Variants in NPHP3 observed in about 807,000 individuals in gnomAD.
The protein encoded by NPHP3 is nephrocystin-3.
Under a neutral mutation model 171.9 loss-of-function variants are expected in NPHP3, and 123 were observed. The ratio of observed to expected loss-of-function variants is 0.72; its 90% CI spans 0.62 to 0.83. NPHP3 has a LOEUF of 0.83. Ranked by LOEUF, NPHP3 falls within the 40% of genes least tolerant of loss-of-function variation. NPHP3 has a pLI of 0.00. For synonymous variants in NPHP3, 558 were observed against 579.2 expected, an observed-to-expected ratio of 0.96 and a Z score of 0.52; for missense variants, 1,506 against 1,591.9, an observed-to-expected ratio of 0.95 and a Z score of 0.92.
At chr3:132,720,262 A>T (rs1340496626) in intron 1 of NPHP3, among the ~76,000 whole-genome samples, 1 of 152,224 alleles carries the variant, frequency 6.6e-6, no homozygotes, top group Non-Finnish European at 1.5e-5. Flanking sequence ...GTACACTGCA[A>T]GTCTCCAGTA....
intron 6 of NPHP3, among the ~76,000 whole-genome samples, chr3:132,710,626 T>G (rs1339543141): frequency 1.3e-5 from 2 of 152,220 alleles, no homozygotes; most frequent in Admixed American, 6.5e-5. Flanking sequence ...TTCCTCATTT[T>G]TAAACCTTTA....
chr3:132,707,366 AGGT>A (rs1939782516), intron 7 of NPHP3, among the ~76,000 whole-genome samples: 1 of 152,086 alleles, frequency 6.6e-6, no homozygotes, highest in Non-Finnish European at 1.5e-5. Flanking sequence ...CAAGACACTG[AGGT>A]GGGAGGACTG....
chr3:132,688,810 GGAGGGA>G lies in NPHP3; in HGVS notation c.2959_2964del (p.Ser987_Leu988del). ...TGCACGTATACACTTGCTAGTTGGT[GGAGGGA>G]CTGGGCTACTCTTGGGTGATCGGGA... On this transcript the variant is annotated inframe_deletion, in exon 21 of 27. Coordinates refer to ENST00000337331, the MANE Select transcript of NPHP3 (RefSeq NM_153240.5). The G allele has an allele frequency of 6.2e-7, 1 of 1,614,020 alleles. No individual in the cohort carries two copies. Among genetic ancestry groups the G allele is most frequent in the Non-Finnish European group, 8.5e-7 (1 of 1,179,976 alleles).
Position 132,682,207 on chromosome 3 carries a change from T to G in NPHP3, c.3813-117A>C, listed in dbSNP as rs989672605. ...AATATTTGCCCATTTCCCCTCTTTT[T>G]CCAGTGTATTCACTCAAGCAGACCA... is the stretch of plus-strand genomic sequence containing the variant. On this transcript the variant is annotated intron_variant, in intron 26 of 26. Coordinates refer to ENST00000337331, the MANE Select transcript of NPHP3 (RefSeq NM_153240.5). 1.9e-5 allele frequency: 17 copies of G among 875,294 alleles called. No homozygotes were observed. In the African/African-American group the frequency reaches 2.7e-4, roughly 14 times the overall value. The allele number at this position is 875,294 out of a possible 1,614,324, so 54.2% of individuals were successfully genotyped here.
At chr3:132,683,943 T>C (rs1156566954) in intron 24 of NPHP3, among the ~76,000 whole-genome samples, 3 of 152,198 alleles carry the variant, frequency 2.0e-5, no homozygotes, top group Non-Finnish European at 2.9e-5. Context: ...AAAACAACTT[T>C]GGTGTCAGGA....
intron 23 of NPHP3, chr3:132,685,623 A>G (rs1232977309): frequency 6.6e-6 from 1 of 152,306 alleles, no homozygotes; most frequent in Non-Finnish European, 1.5e-5. Context: ...TGACAAAACT[A>G]GAAACCGTCT....
At position 132,696,769 on chromosome 3, in the gene NPHP3, A is replaced by G. The variant is rs1448386567; in HGVS notation, c.2133T>C (p.Asn711=). 1 of 1,614,018 alleles carries G rather than the reference A, an allele frequency of 6.2e-7. No homozygotes were observed. The highest frequency in any genetic ancestry group is 8.5e-7 in the Non-Finnish European group (1 of 1,180,008). Residue 711 remains asparagine (N), a synonymous_variant, in exon 15 of 27, where the codon AAT becomes AAC. Transcript: ENST00000337331. ...ERHCRSATTC[N]ALYVTLFGKM... Reference sequence around the variant, plus strand: ...TGCCGAAAAGGGTGACATAAAGGGCATTGCAGGTTGTAGCAGAACGACAGT... The same window carrying G: ...TGCCGAAAAGGGTGACATAAAGGGCGTTGCAGGTTGTAGCAGAACGACAGT...
Position 132,684,701 on chromosome 3 carries a change from C to T in NPHP3, c.3423G>A (p.Leu1141=). The change falls in exon 24 of 27, where the codon CTG becomes CTA. Residue 1141 remains leucine, a synonymous_variant. Transcript: ENST00000337331. ...GTTTCTTTTCATTGCATAGAGCTGC[C>T]AGATTATTCAAAGACTGAGCACAGT... is the stretch of plus-strand genomic sequence containing the variant. The part of the protein sequence containing the change: ...HPDCAQSLNN[L]AALCNEKKQY... The T allele has an allele frequency of 6.2e-7, 1 of 1,614,056 alleles. No individual in the cohort carries two copies. The highest frequency in any genetic ancestry group is 1.1e-5 in the South Asian group (1 of 91,082).
chr3:132,690,926 C>T (rs1213199840), intron 18 of NPHP3, among the ~76,000 whole-genome samples: 2 of 152,052 alleles, frequency 1.3e-5, no homozygotes, highest in African/African-American at 4.8e-5. Context: ...TATACACATA[C>T]AGATACATGG....
chr3:132,682,682 G>T (rs756756772), intron 26 of NPHP3, 21 bp downstream of exon 26: 7 of 1,359,520 alleles, frequency 5.1e-6, no homozygotes, highest in Non-Finnish European at 7.4e-6. Flanking sequence ...GCTGTATAAG[G>T]AAAGTGAAAA....
chr3:132,684,676 G>A lies in NPHP3; in HGVS notation c.3448C>T (p.Gln1150Ter). 6.2e-7 allele frequency: 1 copy of A among 1,614,042 alleles called. No homozygotes were observed. Among genetic ancestry groups the A allele is most frequent in the African/African-American group, 1.3e-5 (1 of 75,026 alleles). The change falls in exon 24 of 27, where the codon CAG becomes TAG. Residue 1150 changes from glutamine (Q) to a stop codon, truncating the protein, a stop_gained. Coordinates refer to ENST00000337331, the MANE Select transcript of NPHP3 (RefSeq NM_153240.5). LOFTEE classifies it high-confidence loss of function. ...TAAAGTTCTTCTGCTTTATCATACT[G>A]TTTCTTTTCATTGCATAGAGCTGCC... Reference protein sequence around the residue: ...NLAALCNEKKQYDKAEELYER... With the variant: ...NLAALCNEKK
At chr3:132,688,471 T>C (rs1464311907) in intron 21 of NPHP3, among the ~76,000 whole-genome samples, 179 bp downstream of exon 21, 2 of 152,198 alleles carry the variant, frequency 1.3e-5, no homozygotes, top group Non-Finnish European at 2.9e-5. Context: ...TGTTCTATCC[T>C]TCATGCATCT....
At chr3:132,699,223 C>G (rs1939539260) in intron 13 of NPHP3, 130 bp downstream of exon 13, 1 of 663,810 alleles carries the variant, frequency 1.5e-6, no homozygotes, top group South Asian at 1.7e-5. Flanking sequence ...CATAAATTCA[C>G]CCACTTCTCC....
Position 132,694,894 on chromosome 3 carries a change from T to C in NPHP3, c.2243A>G (p.Tyr748Cys), listed in dbSNP as rs955374242. 1.5e-5 allele frequency: 24 copies of C among 1,613,722 alleles called. No individual in the cohort carries two copies. The highest frequency in any genetic ancestry group is 1.9e-5 in the Non-Finnish European group (23 of 1,179,876). The change falls in exon 16 of 27, where the codon TAT becomes TGT. Residue 748 changes from tyrosine (Y) to cysteine (C), a missense_variant. Tyr to Cys is a radical substitution (Grantham distance 194). Transcript: ENST00000337331. ...CCGGATAGAGTGCAGAACAAGTCTA[T>C]ATAATGAAAGAGTATCTTGACACTG... ...CFQCQDTLSL[Y>C]RLVLHSIRES...
At chr3:132,684,482 T>C in intron 24 of NPHP3, 72 bp downstream of exon 24, 1 of 1,551,224 alleles carries the variant, frequency 6.4e-7, no homozygotes, top group East Asian at 2.2e-5. Flanking sequence ...TAAAGACAAA[T>C]TATTTTGCTG....
chr3:132,699,692 T>C (rs190009288), intron 12 of NPHP3, among the ~76,000 whole-genome samples: 3 of 152,304 alleles, frequency 2.0e-5, no homozygotes, highest in Admixed American at 2.0e-4. Context: ...GAACGAATAG[T>C]CTTTGTTAAT....
intron 1 of NPHP3, 132 bp from the exon 2 acceptor site, chr3:132,719,962 A>G (rs952274243): frequency 4.6e-5 from 17 of 373,006 alleles, no homozygotes; most frequent in Non-Finnish European, 6.6e-5. Context: ...TATTTTACCA[A>G]TTATCAGGAA....
intron 7 of NPHP3, among the ~76,000 whole-genome samples, chr3:132,706,827 G>A (rs1264161522): frequency 1.3e-5 from 2 of 152,098 alleles, no homozygotes. Flanking sequence ...TATCTTTTTT[G>A]TGGGACGTAG....
At chr3:132,710,401 A>G (rs1939877083) in intron 6 of NPHP3, among the ~76,000 whole-genome samples, 1 of 151,954 alleles carries the variant, frequency 6.6e-6, no homozygotes, top group South Asian at 2.1e-4. Context: ...AAGTCCTGAA[A>G]GGTGACTGAA....
Sources: allele counts gnomAD v4.1 joint callset (sites outside exome capture counted in the v4.1 genomes callset), GRCh38; gene constraint gnomAD v4.1.1; transcripts MANE v1.5; gene names NCBI Gene and HGNC (gene_info 2026-07-23, HGNC 2026-07-21).